RIT2: variants seen among roughly 807,000 people sequenced by gnomAD.
The protein encoded by RIT2 is GTP-binding protein Rit2.
A neutral mutation model predicts 23.7 loss-of-function variants in RIT2; 24 were observed. That is an observed-to-expected ratio of 1.01 (90% CI 0.73 to 1.43). The LOEUF is 1.43. Ranked by LOEUF, RIT2 falls within the 40% of genes most tolerant of loss-of-function variation. The pLI is 0.00. For missense variants in RIT2, 236 were observed against 266.9 expected (o/e 0.88, Z 0.81); for synonymous variants, 107 against 91.1 (o/e 1.17, Z -0.99).
chr18:42,794,164 T>C (rs754360013), intron 4 of RIT2, among the ~76,000 whole-genome samples: 11 of 152,168 alleles, frequency 7.2e-5, no homozygotes, highest in Non-Finnish European at 1.2e-4. Context: ...AGGCACTCCT[T>C]CTTTTCCTCC....
chr18:43,051,634 A>G (rs1318650352), intron 1 of RIT2, among the ~76,000 whole-genome samples: 1 of 152,126 alleles, frequency 6.6e-6, no homozygotes, highest in Admixed American at 6.5e-5. Flanking sequence ...AAAATTAACT[A>G]TGAAAAACTT....
At chr18:42,906,660 T>C (rs1235079666) in intron 4 of RIT2, among the ~76,000 whole-genome samples, 1 of 152,230 alleles carries the variant, frequency 6.6e-6, no homozygotes, top group Non-Finnish European at 1.5e-5. Flanking sequence ...CAGATTATTT[T>C]CGTTTTTGGA....
rs562752824 is a variant in RIT2 at position 42,979,314 on chromosome 18, AT to A, written c.161-5168del. Among the ~76,000 whole-genome samples the A allele has an allele frequency of 4.5e-3, 690 of 152,248 alleles. 3 individuals are homozygous for A. The highest frequency in any genetic ancestry group is 6.5e-3 in the Non-Finnish European group (441 of 67,998). On this transcript the variant is annotated intron_variant, in intron 2 of 4. Transcript: ENST00000326695. Reference sequence around the variant, plus strand: ...ACCAAAATATATAACTAAGAAAAAAATATCAGAAATTTAATGGTAAATTTTC... The same window carrying A: ...ACCAAAATATATAACTAAGAAAAAAAATCAGAAATTTAATGGTAAATTTTC...
At chr18:42,904,697 A>G (rs547011100) in intron 4 of RIT2, among the ~76,000 whole-genome samples, 1 of 152,330 alleles carries the variant, frequency 6.6e-6, no homozygotes, top group African/African-American at 2.4e-5. Flanking sequence ...TGGCATATAC[A>G]CATTTAACAT....
At chr18:42,843,232 G>T (rs1906815622) in intron 4 of RIT2, among the ~76,000 whole-genome samples, 1 of 152,152 alleles carries the variant, frequency 6.6e-6, no homozygotes, top group Admixed American at 6.5e-5. Context: ...CACCATACTT[G>T]TCTTGTGGAG....
chr18:42,913,384 A>C (rs939904410), intron 4 of RIT2, among the ~76,000 whole-genome samples: 1 of 151,900 alleles, frequency 6.6e-6, no homozygotes, highest in African/African-American at 2.4e-5. Context: ...AAATCAATAC[A>C]TCGAGTTCAT....
intron 3 of RIT2, among the ~76,000 whole-genome samples, chr18:42,941,185 A>G (rs1301170239): frequency 6.6e-6 from 1 of 152,234 alleles, no homozygotes; most frequent in African/African-American, 2.4e-5. Flanking sequence ...AGCAAATGGT[A>G]TATATCATTT....
At chr18:43,050,733 G>A (rs1912360377) in intron 1 of RIT2, among the ~76,000 whole-genome samples, 1 of 151,924 alleles carries the variant, frequency 6.6e-6, no homozygotes, top group South Asian at 2.1e-4. Context: ...ATACCTGAGG[G>A]AGGCAATGCT....
intron 1 of RIT2, among the ~76,000 whole-genome samples, chr18:43,093,568 A>C (rs1002646131): frequency 6.6e-6 from 1 of 152,060 alleles, no homozygotes; most frequent in African/African-American, 2.4e-5. Flanking sequence ...ATTTAAGTAT[A>C]TGATAAGGGA....
chr18:43,104,274 A>C (rs1024684929), intron 1 of RIT2, among the ~76,000 whole-genome samples: 5 of 152,180 alleles, frequency 3.3e-5, no homozygotes, highest in African/African-American at 9.7e-5. Flanking sequence ...GAGGCTGGGA[A>C]GAGAGAGGGA....
At chr18:43,084,606 A>G (rs1913238712) in intron 1 of RIT2, among the ~76,000 whole-genome samples, 2 of 152,142 alleles carry the variant, frequency 1.3e-5, no homozygotes, top group African/African-American at 4.8e-5. Context: ...GCTGGAAACC[A>G]TCATTCTCAG....
intron 4 of RIT2, among the ~76,000 whole-genome samples, chr18:42,906,566 T>C (rs1306570156): frequency 6.6e-6 from 1 of 152,182 alleles, no homozygotes; most frequent in Non-Finnish European, 1.5e-5. Context: ...ACTCTGATGA[T>C]GCTTTTGAAA....
intron 4 of RIT2, among the ~76,000 whole-genome samples, chr18:42,854,691 T>C (rs931276940): frequency 1.3e-5 from 2 of 152,230 alleles, no homozygotes; most frequent in African/African-American, 4.8e-5. Context: ...AAAGTACTTG[T>C]TCTAGAAAAT....
chr18:43,086,376 GA>G (rs1913282513), intron 1 of RIT2, among the ~76,000 whole-genome samples: 1 of 152,172 alleles, frequency 6.6e-6, no homozygotes. Flanking sequence ...GGAAATAGAT[GA>G]ATTCCTAGAA....
chr18:42,852,448 A>G (rs902330938), intron 4 of RIT2, among the ~76,000 whole-genome samples: 2 of 152,202 alleles, frequency 1.3e-5, no homozygotes, highest in African/African-American at 4.8e-5. Flanking sequence ...ATGTGTCTAA[A>G]TATGAGATTT....
intron 4 of RIT2, among the ~76,000 whole-genome samples, chr18:42,766,150 T>A (rs1326324285): frequency 6.6e-6 from 1 of 152,136 alleles, no homozygotes; most frequent in Non-Finnish European, 1.5e-5. Flanking sequence ...CCTGAAAATG[T>A]GGAAGCAACT....
At chr18:42,833,523 G>C (rs1906518804) in intron 4 of RIT2, among the ~76,000 whole-genome samples, 1 of 152,128 alleles carries the variant, frequency 6.6e-6, no homozygotes. Context: ...GGGCACGAAA[G>C]CTACTTTAAT....
chr18:42,781,883 G>C (rs1913818485), intron 4 of RIT2, among the ~76,000 whole-genome samples: 1 of 152,128 alleles, frequency 6.6e-6, no homozygotes, highest in Non-Finnish European at 1.5e-5. Flanking sequence ...TTTGCCATTT[G>C]ACTTTTGCTC....
intron 4 of RIT2, among the ~76,000 whole-genome samples, chr18:42,885,791 A>G (rs1015086778): frequency 1.3e-5 from 2 of 152,196 alleles, no homozygotes; most frequent in Admixed American, 1.3e-4. Flanking sequence ...AAGGTTTAAC[A>G]CATATTTGCA....
Sources: allele counts gnomAD v4.1 joint callset (sites outside exome capture counted in the v4.1 genomes callset), GRCh38; gene constraint gnomAD v4.1.1; transcripts MANE v1.5; gene names NCBI Gene and HGNC (gene_info 2026-07-23, HGNC 2026-07-21).